AOPEP: variants seen among roughly 807,000 people sequenced by gnomAD.
AOPEP encodes aminopeptidase O.
In AOPEP, 77 loss-of-function variants were observed where a neutral mutation model predicts 98.1. The ratio of observed to expected loss-of-function variants is 0.78; its 90% CI spans 0.65 to 0.95. The LOEUF is 0.95. AOPEP is among the 40% of genes least tolerant of loss of function. The probability of loss-of-function intolerance (pLI) is 0.00; values close to 1 mark genes in which losing one functional copy is unlikely to be tolerated. For synonymous variants in AOPEP, 346 were observed against 365.3 expected, an observed-to-expected ratio of 0.95 and a Z score of 0.60; for missense variants, 1,024 against 1,024.7, an observed-to-expected ratio of 1.00 and a Z score of 0.01.
At chr9:94,898,894 G>A (rs2049968939) in intron 5 of AOPEP, among the ~76,000 whole-genome samples, 1 of 151,944 alleles carries the variant, frequency 6.6e-6, no homozygotes, top group Non-Finnish European at 1.5e-5. Flanking sequence ...AGTGAGCCGA[G>A]ATCACGCCAT....
At chr9:95,081,813 G>A (rs1192821251) in intron 15 of AOPEP, among the ~76,000 whole-genome samples, 1 of 152,132 alleles carries the variant, frequency 6.6e-6, no homozygotes, top group Non-Finnish European at 1.5e-5. Context: ...TAACTACGAA[G>A]TTTTGCTCTT....
chr9:94,970,010 G>T (rs1055631638), intron 10 of AOPEP, among the ~76,000 whole-genome samples: 1 of 152,208 alleles, frequency 6.6e-6, no homozygotes, highest in African/African-American at 2.4e-5. Context: ...TGGAGGAGAT[G>T]ACATGCAGAT....
intron 13 of AOPEP, among the ~76,000 whole-genome samples, chr9:95,026,578 ATCTG>A (rs1239254236): frequency 6.6e-6 from 1 of 152,136 alleles, no homozygotes; most frequent in African/African-American, 2.4e-5. Flanking sequence ...ACCACATTTT[ATCTG>A]TCTGTTCACC....
chr9:94,730,410 C>G (rs1830265027), intron 1 of AOPEP, among the ~76,000 whole-genome samples: 1 of 151,924 alleles, frequency 6.6e-6, no homozygotes, highest in Admixed American at 6.6e-5. Flanking sequence ...AAACGACATC[C>G]AGGCCTGTTT....
chr9:94,764,544 A>G (rs1372054051), intron 2 of AOPEP, among the ~76,000 whole-genome samples: 1 of 152,166 alleles, frequency 6.6e-6, no homozygotes. Context: ...GCCACTTGGG[A>G]GGCTGAGGTG....
chr9:94,932,193 A>G (rs751993113), intron 7 of AOPEP: 14 of 988,912 alleles, frequency 1.4e-5, no homozygotes, highest in Non-Finnish European at 1.4e-5. Context: ...CTGGAAGGAC[A>G]TACAGGTCAG....
chr9:95,065,766 C>T lies in AOPEP; in HGVS notation c.2232+4956C>T, dbSNP rs1231398721. 2.6e-5 allele frequency among the ~76,000 whole-genome samples: 4 copies of T among 152,206 alleles called. No homozygotes were observed. The East Asian group carries it at 7.7e-4, about 29-fold the overall frequency. On this transcript the variant is annotated intron_variant, in intron 14 of 16. Coordinates refer to ENST00000375315, the MANE Select transcript of AOPEP (RefSeq NM_001193329.3). ...ACACTTGCCACCTCCACCTGGCAAC[C>T]CACAGAAGCTCAGCATTAGGCCGTT... is the stretch of plus-strand genomic sequence containing the variant.
chr9:94,895,283 C>A (rs748640753), intron 5 of AOPEP, among the ~76,000 whole-genome samples: 2 of 150,004 alleles, frequency 1.3e-5, no homozygotes, highest in Non-Finnish European at 3.0e-5. Context: ...ACCTGTAGTC[C>A]CAGCTGCTCA....
At chr9:95,005,108 G>A (rs759473598) in intron 11 of AOPEP, 50 bp from the exon 12 acceptor site, 5 of 982,768 alleles carry the variant, frequency 5.1e-6, no homozygotes, top group South Asian at 4.4e-5. Context: ...GGGGCAGGGA[G>A]GCCGGGGCCG....
chr9:95,115,755 G>A, the AOPEP span, among the ~76,000 whole-genome samples: 23 of 152,144 alleles, frequency 1.5e-4, no homozygotes, highest in Admixed American at 2.6e-4. Context: ...GAACTCCCGC[G>A]GCCCTTGGTG....
chr9:94,758,496 G>T lies in AOPEP; in HGVS notation c.-135-1153G>T, dbSNP rs78231644. Among the ~76,000 whole-genome samples the T allele has an allele frequency of 9.6e-3, 1,458 of 152,318 alleles. 26 individuals are homozygous for T. The highest frequency in any genetic ancestry group is 0.033 in the African/African-American group (1,357 of 41,578). On this transcript the variant is annotated intron_variant, in intron 1 of 16. Transcript: ENST00000375315. The stretch of plus-strand genomic sequence containing the variant: ...GAAGGAAAGGAAATAAAAGGGTCTA[G>T]TAGAGATGCAGATAAAGCTGGCAGG...
At chr9:94,911,457 A>G (rs2052024067) in intron 5 of AOPEP, among the ~76,000 whole-genome samples, 2 of 152,232 alleles carry the variant, frequency 1.3e-5, no homozygotes, top group Admixed American at 1.3e-4. Flanking sequence ...TTCAAGCATC[A>G]CGTAATTTTC....
intron 1 of AOPEP, among the ~76,000 whole-genome samples, chr9:94,735,876 T>A (rs1289814680): frequency 1.3e-5 from 2 of 152,222 alleles, no homozygotes; most frequent in East Asian, 3.8e-4. Context: ...CCCTGTGGAT[T>A]TGCCTATTCT....
chr9:94,735,104 A>G (rs980882631), intron 1 of AOPEP, among the ~76,000 whole-genome samples: 2 of 152,160 alleles, frequency 1.3e-5, no homozygotes, highest in African/African-American at 4.8e-5. Context: ...TGGCTTTGTG[A>G]TGGCAAGAGT....
At chr9:94,765,760 A>G (rs1839470525) in intron 2 of AOPEP, among the ~76,000 whole-genome samples, 4 of 152,148 alleles carry the variant, frequency 2.6e-5, no homozygotes. Context: ...ATGATTACCA[A>G]TAATTTTATC....
At chr9:94,728,481 T>G (rs1161732489) in intron 1 of AOPEP, among the ~76,000 whole-genome samples, 1 of 152,202 alleles carries the variant, frequency 6.6e-6, no homozygotes. Flanking sequence ...GCCGAGTAGA[T>G]TTTTGACCTC....
At chr9:94,880,452 G>A (rs1440832854) in intron 5 of AOPEP, among the ~76,000 whole-genome samples, 1 of 145,978 alleles carries the variant, frequency 6.9e-6, no homozygotes, top group Admixed American at 7.0e-5. Flanking sequence ...CTGCAGCGTC[G>A]ACCTCCCAGG....
intron 13 of AOPEP, among the ~76,000 whole-genome samples, chr9:95,059,005 C>G (rs1291812501): frequency 1.3e-5 from 2 of 152,224 alleles, no homozygotes; most frequent in South Asian, 2.1e-4. Context: ...CGGCAGTGTT[C>G]ATGGTATGAA....
intron 5 of AOPEP, among the ~76,000 whole-genome samples, chr9:94,877,460 T>C (rs1421235286): frequency 3.3e-5 from 5 of 149,908 alleles, no homozygotes; most frequent in African/African-American, 4.9e-5. Context: ...TTTTGCTGTG[T>C]CGCCCAGGCT....
Sources: allele counts gnomAD v4.1 joint callset (sites outside exome capture counted in the v4.1 genomes callset), GRCh38; gene constraint gnomAD v4.1.1; transcripts MANE v1.5; gene names NCBI Gene and HGNC (gene_info 2026-07-23, HGNC 2026-07-21).